Variants in NCKAP5 observed in about 807,000 individuals in gnomAD.
The protein encoded by NCKAP5 is NCK associated protein 5.
In NCKAP5, 92 loss-of-function variants were observed where a neutral mutation model predicts 167.0. The ratio of observed to expected loss-of-function variants is 0.55; its 90% CI spans 0.47 to 0.66. The LOEUF is 0.66. Among genes scored for constraint, NCKAP5 ranks in the 30% least tolerant of loss-of-function variants. The pLI, the probability that NCKAP5 is intolerant of heterozygous loss-of-function variation, is 0.00. For synonymous variants in NCKAP5, 891 were observed against 877.4 expected (o/e 1.02, Z -0.27); for missense variants, 2,378 against 2,315.0 (o/e 1.03, Z -0.56).
intron 6 of NCKAP5, among the ~76,000 whole-genome samples, chr2:133,084,313 G>A (rs1573979338): frequency 1.3e-5 from 2 of 152,136 alleles, no homozygotes; most frequent in Admixed American, 1.3e-4. Flanking sequence ...ATCATTTAGT[G>A]TAATGACATC....
intron 3 of NCKAP5, among the ~76,000 whole-genome samples, chr2:133,450,026 G>A (rs1056029765): frequency 6.6e-6 from 1 of 151,908 alleles, no homozygotes; most frequent in African/African-American, 2.4e-5. Context: ...TTGTTGCAAG[G>A]CAGCAAAGAT....
intron 6 of NCKAP5, among the ~76,000 whole-genome samples, chr2:133,084,719 C>G (rs539345117): frequency 6.6e-6 from 1 of 152,270 alleles, no homozygotes; most frequent in South Asian, 2.1e-4. Context: ...CTGAAAGCCT[C>G]CTCTTTCAAG....
chr2:133,583,269 C>T, the NCKAP5 span, among the ~76,000 whole-genome samples: 1 of 152,114 alleles, frequency 6.6e-6, no homozygotes, highest in African/African-American at 2.4e-5. Context: ...TCATGGATCC[C>T]TCATGAATGA....
chr2:133,536,837 T>G (rs773596037), intron 2 of NCKAP5, among the ~76,000 whole-genome samples: 1 of 152,080 alleles, frequency 6.6e-6, no homozygotes, highest in Non-Finnish European at 1.5e-5. Context: ...ATCTGTTTTT[T>G]TATTGTTGCT....
At chr2:132,853,707 T>A (rs1689250816) in intron 11 of NCKAP5, among the ~76,000 whole-genome samples, 1 of 152,112 alleles carries the variant, frequency 6.6e-6, no homozygotes, top group South Asian at 2.1e-4. Context: ...GGCACATTCA[T>A]ATAATACAAT....
At chr2:133,553,192 A>G (rs1184914829) in intron 2 of NCKAP5, among the ~76,000 whole-genome samples, 2 of 152,252 alleles carry the variant, frequency 1.3e-5, no homozygotes, top group African/African-American at 4.8e-5. Context: ...AGGAATATAC[A>G]GTATGCTGTC....
At chr2:132,948,651 G>A (rs973254343) in intron 8 of NCKAP5, among the ~76,000 whole-genome samples, 2 of 152,084 alleles carry the variant, frequency 1.3e-5, no homozygotes, top group African/African-American at 4.8e-5. Context: ...CACCCTCCAA[G>A]CCCCTTAATT....
At chr2:133,322,104 C>T (rs1682098638) in intron 3 of NCKAP5, among the ~76,000 whole-genome samples, 1 of 152,182 alleles carries the variant, frequency 6.6e-6, no homozygotes, top group Admixed American at 6.5e-5. Flanking sequence ...TCATTTGTCA[C>T]TTTTGTAAAG....
chr2:133,010,361 A>C (rs1027974982), intron 6 of NCKAP5, among the ~76,000 whole-genome samples: 1 of 152,196 alleles, frequency 6.6e-6, no homozygotes, highest in Non-Finnish European at 1.5e-5. Flanking sequence ...GATCATTGTC[A>C]GCCCACCTAC....
intron 8 of NCKAP5, among the ~76,000 whole-genome samples, chr2:132,886,218 T>A (rs192716398): frequency 7.0e-4 from 107 of 152,240 alleles, no homozygotes; most frequent in African/African-American, 2.4e-3. Flanking sequence ...TGCAAAGAAT[T>A]CCCCCACACC....
In NCKAP5 at chr2:133,502,659, A is replaced by G. The variant is rs879482867; in HGVS notation, c.69+14799T>C. Among the ~76,000 whole-genome samples, 56 of 152,198 alleles carry G rather than the reference A, an allele frequency of 3.7e-4. 1 individual carries two copies. The highest frequency in any genetic ancestry group is 2.6e-3 in the Admixed American group (40 of 15,282). On this transcript the variant is annotated intron_variant, in intron 3 of 19. Transcript: ENST00000409261. ...GGACCCAGCCCTCCCTCATGCCGTG[A>G]GCCTCTGTGCCTTCCACCCCGGTGA...
the NCKAP5 span, among the ~76,000 whole-genome samples, chr2:133,618,558 T>G: frequency 1.3e-5 from 2 of 150,274 alleles, no homozygotes; most frequent in African/African-American, 4.9e-5. Flanking sequence ...GAAAAAATGC[T>G]CACCATCACT....
At chr2:132,790,283 G>C in intron 12 of NCKAP5, 78 bp from the exon 13 acceptor site, 1 of 1,304,126 alleles carries the variant, frequency 7.7e-7, no homozygotes, top group African/African-American at 1.5e-5. Flanking sequence ...TGGTGAGGTA[G>C]ATGGGAATAC....
chr2:133,406,734 TA>T (rs1331046473), intron 3 of NCKAP5, among the ~76,000 whole-genome samples: 1 of 152,176 alleles, frequency 6.6e-6, no homozygotes, highest in Non-Finnish European at 1.5e-5. Context: ...TTCTGCTGAG[TA>T]AATTCAGTTC....
intron 4 of NCKAP5, among the ~76,000 whole-genome samples, chr2:133,273,204 CA>C (rs1469366078): frequency 6.6e-6 from 1 of 152,154 alleles, no homozygotes; most frequent in African/African-American, 2.4e-5. Context: ...ACAGCCTCTC[CA>C]ACACTTTTAT....
intron 11 of NCKAP5, among the ~76,000 whole-genome samples, chr2:132,851,717 T>G (rs1689093257): frequency 6.6e-6 from 1 of 152,164 alleles, no homozygotes; most frequent in Non-Finnish European, 1.5e-5. Context: ...ACATCCTTCC[T>G]TCCTGCAGCC....
At chr2:132,952,690 G>A (rs1216660195) in intron 8 of NCKAP5, among the ~76,000 whole-genome samples, 1 of 152,182 alleles carries the variant, frequency 6.6e-6, no homozygotes, top group Non-Finnish European at 1.5e-5. Context: ...CACATCAATA[G>A]TGAGAGACAG....
the NCKAP5 span, among the ~76,000 whole-genome samples, chr2:133,601,057 C>T: frequency 2.0e-5 from 3 of 152,318 alleles, no homozygotes; most frequent in Middle Eastern, 3.4e-3. Flanking sequence ...TCCACCTTTC[C>T]GGCAGTCTTT....
chr2:133,545,306 A>T (rs898485084), intron 2 of NCKAP5, among the ~76,000 whole-genome samples: 1 of 152,130 alleles, frequency 6.6e-6, no homozygotes, highest in African/African-American at 2.4e-5. Context: ...ATGCAGAAAC[A>T]GCCAAGTTGG....
Sources: gnomAD v4.1 joint callset for allele counts (sites outside exome capture counted in the v4.1 genomes callset) on GRCh38, gnomAD v4.1.1 for gene constraint, MANE v1.5 for transcripts, NCBI Gene and HGNC (gene_info 2026-07-23, HGNC 2026-07-21) for gene names.